Variants in SEMA6D observed in about 807,000 individuals in gnomAD.
SEMA6D encodes semaphorin 6D, also known as semaphorin-6D.
In SEMA6D, 35 loss-of-function variants were observed where a neutral mutation model predicts 106.6. That is an observed-to-expected ratio of 0.33 (90% CI 0.25 to 0.44). The LOEUF (loss-of-function observed/expected upper bound fraction) is 0.44. Ranked by LOEUF, SEMA6D falls within the 20% of genes least tolerant of loss-of-function variation. The pLI, the probability that SEMA6D is intolerant of heterozygous loss-of-function variation, is 1.00. For synonymous variants in SEMA6D, 499 were observed against 487.7 expected, an observed-to-expected ratio of 1.02 and a Z score of -0.31; for missense variants, 1,185 against 1,345.9, an observed-to-expected ratio of 0.88 and a Z score of 1.87.
At chr15:47,728,147 T>C (rs1030564039) in intron 1 of SEMA6D, among the ~76,000 whole-genome samples, 1 of 152,190 alleles carries the variant, frequency 6.6e-6, no homozygotes, top group Admixed American at 6.5e-5. Flanking sequence ...TGCCCTGTAC[T>C]CCAGCCCTGG....
At chr15:47,364,903 C>G (rs1423240075) in intron 1 of SEMA6D, among the ~76,000 whole-genome samples, 1 of 152,062 alleles carries the variant, frequency 6.6e-6, no homozygotes, top group Non-Finnish European at 1.5e-5. Flanking sequence ...GTATTGCACT[C>G]CAAAGTGCAA....
At chr15:47,326,738 G>A (rs2037148098) in intron 1 of SEMA6D, among the ~76,000 whole-genome samples, 1 of 152,198 alleles carries the variant, frequency 6.6e-6, no homozygotes, top group Non-Finnish European at 1.5e-5. Flanking sequence ...TTAGAAGTAT[G>A]TGTATGTTGA....
intron 3 of SEMA6D, among the ~76,000 whole-genome samples, chr15:47,552,444 T>C (rs1447225661): frequency 6.6e-6 from 1 of 151,302 alleles, no homozygotes; most frequent in African/African-American, 2.4e-5. Flanking sequence ...TATGAGCTTA[T>C]TCTTATCAAG....
intron 1 of SEMA6D, among the ~76,000 whole-genome samples, chr15:47,192,067 C>T (rs1454843): frequency 0.18 from 27,557 of 152,100 alleles, 2,904 homozygotes; most frequent in South Asian, 0.28. Context: ...GGTGTCATTT[C>T]GTACTCATTA....
chr15:47,496,742 CTT>C (rs1277166240), intron 3 of SEMA6D, among the ~76,000 whole-genome samples: 2 of 151,946 alleles, frequency 1.3e-5, no homozygotes, highest in Non-Finnish European at 2.9e-5. Context: ...CCTGGATTCT[CTT>C]TTAAGAATTT....
intron 4 of SEMA6D, among the ~76,000 whole-genome samples, chr15:47,625,745 C>T (rs1473026283): frequency 6.6e-6 from 1 of 151,402 alleles, no homozygotes; most frequent in Non-Finnish European, 1.5e-5. Flanking sequence ...AAAATATGCA[C>T]AACAAATAGG....
intron 3 of SEMA6D, among the ~76,000 whole-genome samples, chr15:47,503,098 T>C (rs988147293): frequency 6.6e-6 from 1 of 152,214 alleles, no homozygotes; most frequent in African/African-American, 2.4e-5. Flanking sequence ...AATACAAAAA[T>C]CTGTCAACCA....
At chr15:47,341,494 C>T (rs1273727050) in intron 1 of SEMA6D, among the ~76,000 whole-genome samples, 1 of 152,164 alleles carries the variant, frequency 6.6e-6, no homozygotes, top group African/African-American at 2.4e-5. Flanking sequence ...GGTCTGTTTT[C>T]ACTTCCATCT....
chr15:47,276,366 A>C (rs996688050), intron 1 of SEMA6D, among the ~76,000 whole-genome samples: 1 of 151,994 alleles, frequency 6.6e-6, no homozygotes, highest in Non-Finnish European at 1.5e-5. Flanking sequence ...TAGAGAGGAG[A>C]AGTTCAAGTC....
chr15:47,723,452 A>G (rs569792529), intron 1 of SEMA6D, among the ~76,000 whole-genome samples: 16 of 152,302 alleles, frequency 1.1e-4, no homozygotes, highest in African/African-American at 2.2e-4. Context: ...GTGAAGATCC[A>G]TTACGTATCT....
intron 1 of SEMA6D, among the ~76,000 whole-genome samples, chr15:47,230,959 G>T (rs113549532): frequency 6.2e-4 from 94 of 151,986 alleles, no homozygotes; most frequent in African/African-American, 2.1e-3. Flanking sequence ...ACTTTAACAG[G>T]CCTTTCCTCT....
intron 1 of SEMA6D, chr15:47,393,492 G>C (rs2040108339): frequency 6.6e-6 from 1 of 152,188 alleles, no homozygotes; most frequent in Non-Finnish European, 1.5e-5. Flanking sequence ...TTATCTGTTG[G>C]GGTGACAGCA....
intron 4 of SEMA6D, among the ~76,000 whole-genome samples, chr15:47,676,111 C>T (rs147326499): frequency 1.2e-4 from 19 of 152,164 alleles, no homozygotes; most frequent in Admixed American, 5.2e-4. Context: ...TTTGCCTACC[C>T]GCGGCATTGG....
intron 4 of SEMA6D, among the ~76,000 whole-genome samples, chr15:47,674,070 G>A (rs1277719771): frequency 2.6e-5 from 4 of 152,064 alleles, no homozygotes; most frequent in Non-Finnish European, 4.4e-5. Flanking sequence ...TGCAGCCCAT[G>A]GGACAGCCGT....
intron 3 of SEMA6D, among the ~76,000 whole-genome samples, chr15:47,563,781 A>G (rs2046148149): frequency 6.6e-6 from 1 of 152,240 alleles, no homozygotes; most frequent in African/African-American, 2.4e-5. Flanking sequence ...ACCAATACTT[A>G]CAAAATTAAT....
intron 3 of SEMA6D, among the ~76,000 whole-genome samples, chr15:47,569,623 A>G (rs759829942): frequency 3.2e-4 from 48 of 152,146 alleles, no homozygotes; most frequent in Non-Finnish European, 1.3e-4. Context: ...CTAGTGTTGG[A>G]ACTTCACTTA....
chr15:47,760,472 C>T, intron 3 of SEMA6D, 57 bp downstream of exon 3: 1 of 1,332,690 alleles, frequency 7.5e-7, no homozygotes, highest in Non-Finnish European at 1.1e-6. Context: ...GTGGTGCTTG[C>T]ATTAGTGTGT....
At chr15:47,770,360 AT>A in intron 18 of SEMA6D, 136 bp from the exon 19 acceptor site, 1 of 619,754 alleles carries the variant, frequency 1.6e-6, no homozygotes, top group East Asian at 2.8e-5. Context: ...TATACAAGGA[AT>A]TTTGGAGTCT....
At chr15:47,206,993 C>G (rs1441916560) in intron 1 of SEMA6D, among the ~76,000 whole-genome samples, 1 of 152,024 alleles carries the variant, frequency 6.6e-6, no homozygotes, top group South Asian at 2.1e-4. Context: ...AAGGGAAAAC[C>G]TACCACTACT....
Sources: allele counts gnomAD v4.1 joint callset (sites outside exome capture counted in the v4.1 genomes callset), GRCh38; gene constraint gnomAD v4.1.1; transcripts MANE v1.5; gene names NCBI Gene and HGNC (gene_info 2026-07-23, HGNC 2026-07-21).